Variants in GRIN2A observed in about 807,000 individuals in gnomAD.
GRIN2A encodes glutamate ionotropic receptor NMDA type subunit 2A.
In GRIN2A, 22 loss-of-function variants were observed where a neutral mutation model predicts 113.4. The ratio of observed to expected loss-of-function variants is 0.19; its 90% CI spans 0.14 to 0.28. GRIN2A has a LOEUF of 0.28. Ranked by LOEUF, GRIN2A falls within the 10% of genes least tolerant of loss-of-function variation. The pLI is 1.00. For missense variants in GRIN2A, 1,502 were observed against 1,887.0 expected (o/e 0.80, Z 3.78); for synonymous variants, 827 against 738.4 (o/e 1.12, Z -1.94).
At chr16:9,889,772 T>C (rs2043657045) in intron 4 of GRIN2A, among the ~76,000 whole-genome samples, 1 of 152,218 alleles carries the variant, frequency 6.6e-6, no homozygotes, top group Non-Finnish European at 1.5e-5. Flanking sequence ...GATATATTTT[T>C]GTTACTAATT....
intron 4 of GRIN2A, among the ~76,000 whole-genome samples, chr16:9,876,388 G>A (rs1250728393): frequency 6.6e-6 from 1 of 152,116 alleles, no homozygotes; most frequent in African/African-American, 2.4e-5. Context: ...GTCCTCACCT[G>A]TTTACCCCCA....
intron 2 of GRIN2A, among the ~76,000 whole-genome samples, chr16:10,168,990 T>C (rs1012093716): frequency 1.4e-5 from 2 of 145,780 alleles, no homozygotes; most frequent in Non-Finnish European, 3.0e-5. Context: ...ATAATAATAA[T>C]AATAATAATA....
chr16:9,971,815 A>C (rs1338496795), intron 2 of GRIN2A, among the ~76,000 whole-genome samples: 7 of 149,612 alleles, frequency 4.7e-5, no homozygotes, highest in Non-Finnish European at 1.0e-4. Flanking sequence ...AGCTAGAAGG[A>C]AAAAAAAAAT....
chr16:10,059,720 G>GAAAA (rs34385533), intron 2 of GRIN2A, among the ~76,000 whole-genome samples: 1 of 118,194 alleles, frequency 8.5e-6, no homozygotes, highest in Non-Finnish European at 1.8e-5. Flanking sequence ...CATCGTGACC[G>GAAAA]AAAAAAAAAA....
intron 2 of GRIN2A, among the ~76,000 whole-genome samples, chr16:9,967,284 T>A (rs1156868692): frequency 6.6e-6 from 1 of 152,216 alleles, no homozygotes; most frequent in African/African-American, 2.4e-5. Flanking sequence ...CAAAATGATG[T>A]CTTGCAGCAA....
chr16:9,815,967 A>C (rs1158780642), intron 10 of GRIN2A, among the ~76,000 whole-genome samples: 1 of 152,282 alleles, frequency 6.6e-6, no homozygotes, highest in Non-Finnish European at 1.5e-5. Context: ...CACATGCCAA[A>C]ACATGGATGA....
intron 2 of GRIN2A, among the ~76,000 whole-genome samples, chr16:10,038,961 G>A (rs935856253): frequency 6.6e-6 from 1 of 151,990 alleles, no homozygotes; most frequent in African/African-American, 2.4e-5. Flanking sequence ...TCAGGGCAGT[G>A]TCACCTCCTC....
intron 4 of GRIN2A, among the ~76,000 whole-genome samples, chr16:9,876,569 GC>G (rs1400175161): frequency 2.0e-5 from 3 of 152,078 alleles, no homozygotes; most frequent in Non-Finnish European, 4.4e-5. Context: ...GGATTTTGTA[GC>G]CCCCACAGCC....
chr16:10,039,603 C>T (rs934344192), intron 2 of GRIN2A, among the ~76,000 whole-genome samples: 1 of 151,784 alleles, frequency 6.6e-6, no homozygotes, highest in African/African-American at 2.4e-5. Context: ...CGGGAGGGAC[C>T]GGTGGCGTTG....
At chr16:10,063,500 C>CA (rs1329577008) in intron 2 of GRIN2A, among the ~76,000 whole-genome samples, 1 of 152,146 alleles carries the variant, frequency 6.6e-6, no homozygotes, top group Non-Finnish European at 1.5e-5. Flanking sequence ...GCCTCCCACC[C>CA]AAAAATCTAT....
intron 2 of GRIN2A, among the ~76,000 whole-genome samples, chr16:10,159,290 G>A (rs2049765245): frequency 6.6e-6 from 1 of 152,144 alleles, no homozygotes; most frequent in Admixed American, 6.5e-5. Flanking sequence ...TCCAGAATAA[G>A]CATGAATCAA....
chr16:10,179,856 C>T, intron 2 of GRIN2A, 142 bp downstream of exon 2: 1 of 742,070 alleles, frequency 1.3e-6, no homozygotes, highest in South Asian at 1.5e-5. Context: ...CTGGTTCTCA[C>T]CAGGGCCAGT....
chr16:10,073,621 G>T (rs60768615), intron 2 of GRIN2A, among the ~76,000 whole-genome samples: 6,599 of 152,010 alleles, frequency 0.043, 499 homozygotes, highest in African/African-American at 0.15. Flanking sequence ...ATGGATCATA[G>T]ACAAAATATT....
At chr16:10,123,741 G>T (rs2048875651) in intron 2 of GRIN2A, among the ~76,000 whole-genome samples, 1 of 152,166 alleles carries the variant, frequency 6.6e-6, no homozygotes, top group South Asian at 2.1e-4. Context: ...GATCTGTTTA[G>T]CTGGTTGGTA....
chr16:9,978,535 C>T (rs1310899339), intron 2 of GRIN2A, among the ~76,000 whole-genome samples: 1 of 152,070 alleles, frequency 6.6e-6, no homozygotes, highest in African/African-American at 2.4e-5. Context: ...CCTCCTCTTT[C>T]TCCTCCTCCC....
chr16:10,138,221 A>T (rs2049243176), intron 2 of GRIN2A, among the ~76,000 whole-genome samples: 1 of 152,242 alleles, frequency 6.6e-6, no homozygotes. Context: ...AAGACTCAGA[A>T]GTCAGAGAGG....
chr16:10,099,781 T>C (rs146134331), intron 2 of GRIN2A, among the ~76,000 whole-genome samples: 1 of 152,348 alleles, frequency 6.6e-6, no homozygotes, highest in East Asian at 1.9e-4. Context: ...AACTCTGCTT[T>C]TTCAACATGG....
chr16:10,002,421 T>A (rs2046336842), intron 2 of GRIN2A, among the ~76,000 whole-genome samples: 1 of 152,226 alleles, frequency 6.6e-6, no homozygotes, highest in African/African-American at 2.4e-5. Context: ...TGACCACAGA[T>A]GGAATGGCTA....
rs146630435 is a variant in GRIN2A, at chr16:9,940,950, C to A, written c.415-2399G>T. 1.6e-4 allele frequency among the ~76,000 whole-genome samples: 24 copies of A among 152,284 alleles called. No homozygotes were observed. The East Asian group carries it at 4.4e-3, about 28-fold the overall frequency. On this transcript the variant is annotated intron_variant, in intron 2 of 12. Transcript: ENST00000330684. ...GTCTAAAGGCAATTATATTCGCCAA[C>A]CTCACACACTGTGAGACGCCTCTTG...
Sources: gnomAD v4.1 joint callset for allele counts (sites outside exome capture counted in the v4.1 genomes callset) on GRCh38, gnomAD v4.1.1 for gene constraint, MANE v1.5 for transcripts, NCBI Gene and HGNC (gene_info 2026-07-23, HGNC 2026-07-21) for gene names.